Variants in SLC35F4 observed in about 807,000 individuals in gnomAD.
The protein encoded by SLC35F4 is solute carrier family 35 member F4.
In SLC35F4, 24 loss-of-function variants were observed where a neutral mutation model predicts 44.2. The observed-to-expected ratio is 0.54, with a 90% CI of 0.39 to 0.76. The LOEUF (loss-of-function observed/expected upper bound fraction) is 0.76. Among genes scored for constraint, SLC35F4 ranks in the 30% least tolerant of loss-of-function variants. SLC35F4 has a pLI of 0.00. For missense variants in SLC35F4, 562 were observed against 586.1 expected (o/e 0.96, Z 0.42); for synonymous variants, 238 against 223.6 (o/e 1.06, Z -0.57).
intron 1 of SLC35F4, among the ~76,000 whole-genome samples, chr14:57,682,903 A>G (rs977297130): frequency 1.3e-5 from 2 of 152,154 alleles, no homozygotes; most frequent in African/African-American, 4.8e-5. Flanking sequence ...TGTTTTAGTT[A>G]CAGATAATAG....
intron 1 of SLC35F4, among the ~76,000 whole-genome samples, chr14:57,920,669 C>T (rs1056375786): frequency 2.0e-5 from 3 of 152,210 alleles, no homozygotes; most frequent in Non-Finnish European, 4.4e-5. Flanking sequence ...CAACATTTCT[C>T]CCCCTAACTA....
At chr14:57,772,248 A>T (rs2077382434) in intron 1 of SLC35F4, among the ~76,000 whole-genome samples, 1 of 152,268 alleles carries the variant, frequency 6.6e-6, no homozygotes, top group Middle Eastern at 3.2e-3. Context: ...AAATATAATG[A>T]CAAATGTCAA....
In SLC35F4 at chr14:57,841,779, A is replaced by G. The variant is rs1885509735; in HGVS notation, c.103+23944T>C. 2.0e-5 allele frequency among the ~76,000 whole-genome samples: 3 copies of G among 152,216 alleles called. No homozygotes were observed. In the South Asian group the frequency reaches 6.2e-4, roughly 32 times the overall value. ...ATTACAAGGAGTAAACACATTGTGC[A>G]AGATATCGCTCATGATCCTAAAAAC... is the stretch of plus-strand genomic sequence containing the variant. On this transcript the variant is annotated intron_variant, in intron 1 of 7. Coordinates refer to ENST00000556826, the MANE Select transcript of SLC35F4 (RefSeq NM_001306087.2).
At chr14:57,917,099 C>T (rs1367047970) in intron 1 of SLC35F4, among the ~76,000 whole-genome samples, 1 of 152,076 alleles carries the variant, frequency 6.6e-6, no homozygotes, top group Non-Finnish European at 1.5e-5. Flanking sequence ...GGCTCCCAGG[C>T]TCCCACGCTG....
chr14:57,590,734 C>T (rs2070120316), intron 2 of SLC35F4, among the ~76,000 whole-genome samples: 1 of 152,170 alleles, frequency 6.6e-6, no homozygotes, highest in Non-Finnish European at 1.5e-5. Flanking sequence ...ACAAGAGTCT[C>T]TTGTGTCTCC....
intron 1 of SLC35F4, among the ~76,000 whole-genome samples, chr14:57,830,193 A>T (rs1884213718): frequency 6.6e-6 from 1 of 152,190 alleles, no homozygotes; most frequent in African/African-American, 2.4e-5. Context: ...TCCTCTTCAC[A>T]TATGTTGCCT....
intron 1 of SLC35F4, chr14:57,602,296 G>A (rs2070871766): frequency 6.6e-6 from 1 of 152,162 alleles, no homozygotes; most frequent in South Asian, 2.1e-4. Flanking sequence ...CCTTTTAATT[G>A]TGGGGAGCAA....
chr14:57,774,955 C>A (rs1359460057), intron 1 of SLC35F4, among the ~76,000 whole-genome samples: 1 of 151,732 alleles, frequency 6.6e-6, no homozygotes, highest in East Asian at 1.9e-4. Context: ...CCCCACCACA[C>A]CACCATTGTC....
At chr14:57,960,347 C>T (rs1370922378) in intron 1 of SLC35F4, among the ~76,000 whole-genome samples, 2 of 152,202 alleles carry the variant, frequency 1.3e-5, no homozygotes, top group Non-Finnish European at 2.9e-5. Context: ...CTGCCTCTGG[C>T]CATCACATCC....
At chr14:57,724,892 G>A (rs2076165648) in intron 1 of SLC35F4, among the ~76,000 whole-genome samples, 1 of 152,224 alleles carries the variant, frequency 6.6e-6, no homozygotes, top group African/African-American at 2.4e-5. Flanking sequence ...TTTCATGGAA[G>A]GAGAAATGGC....
intron 1 of SLC35F4, among the ~76,000 whole-genome samples, chr14:57,703,509 T>C (rs2075594428): frequency 6.6e-6 from 1 of 152,072 alleles, no homozygotes; most frequent in Non-Finnish European, 1.5e-5. Context: ...GGGCTAATGG[T>C]AGTGGCAACT....
intron 1 of SLC35F4, among the ~76,000 whole-genome samples, chr14:57,862,077 C>G (rs117044132): frequency 1.2e-4 from 18 of 152,222 alleles, no homozygotes; most frequent in East Asian, 1.9e-4. Flanking sequence ...ATCCACCCCC[C>G]ACCCCTTTCC....
intron 1 of SLC35F4, among the ~76,000 whole-genome samples, chr14:57,738,231 A>G (rs2076513711): frequency 6.6e-6 from 1 of 152,196 alleles, no homozygotes; most frequent in South Asian, 2.1e-4. Context: ...GTGTCTATTT[A>G]TATGGCTCAC....
chr14:57,716,357 C>A (rs2075943821), intron 1 of SLC35F4, among the ~76,000 whole-genome samples: 1 of 151,562 alleles, frequency 6.6e-6, no homozygotes, highest in African/African-American at 2.4e-5. Context: ...CCGGATGTTG[C>A]AATTTTTTGA....
chr14:57,650,437 C>T (rs1189373678), intron 1 of SLC35F4, among the ~76,000 whole-genome samples: 1 of 152,138 alleles, frequency 6.6e-6, no homozygotes, highest in Non-Finnish European at 1.5e-5. Context: ...ATTCTTCTCC[C>T]ACACCCCTGT....
At chr14:57,951,110 T>A (rs1459035863) in intron 1 of SLC35F4, among the ~76,000 whole-genome samples, 2 of 152,130 alleles carry the variant, frequency 1.3e-5, no homozygotes, top group South Asian at 4.2e-4. Flanking sequence ...ACCTGGCTCA[T>A]CTCATTGGGA....
chr14:57,568,295 G>A (rs1332202902), intron 6 of SLC35F4, among the ~76,000 whole-genome samples: 1 of 152,240 alleles, frequency 6.6e-6, no homozygotes, highest in South Asian at 2.1e-4. Context: ...TTAGGAGCGC[G>A]TATTGGATAT....
At position 57,682,848 on chromosome 14, in the gene SLC35F4, G is replaced by GA. The variant is rs574967889; in HGVS notation, c.104-88725dup. 4.5e-4 allele frequency among the ~76,000 whole-genome samples: 68 copies of GA among 152,030 alleles called. 1 individual carries two copies. In the South Asian group the frequency reaches 0.013, roughly 30 times the overall value. On this transcript the variant is annotated intron_variant, in intron 1 of 7. Coordinates refer to ENST00000556826, the MANE Select transcript of SLC35F4 (RefSeq NM_001306087.2). ...CTCAATGTCCTCATTTATAATACTG[G>GA]AAAAATAATAATATCTATTAAATTA...
chr14:57,912,688 T>A (rs866315924), intron 1 of SLC35F4, among the ~76,000 whole-genome samples: 67 of 152,178 alleles, frequency 4.4e-4, no homozygotes, highest in Middle Eastern at 3.4e-3. Context: ...TGGCCCAGAA[T>A]ATGGCTTATC....
Sources: gnomAD v4.1 joint callset for allele counts (sites outside exome capture counted in the v4.1 genomes callset) on GRCh38, gnomAD v4.1.1 for gene constraint, MANE v1.5 for transcripts, NCBI Gene and HGNC (gene_info 2026-07-23, HGNC 2026-07-21) for gene names.